Variants in DDX19B observed in about 807,000 individuals in gnomAD.
DDX19B encodes the protein DEAD-box helicase 19B.
DDX19B carries 27 observed loss-of-function variants against 58.1 expected under a neutral mutation model. The ratio of observed to expected loss-of-function variants is 0.46; its 90% CI spans 0.34 to 0.64. DDX19B has a LOEUF of 0.64. Among genes scored for constraint, DDX19B ranks in the 30% least tolerant of loss-of-function variants. The pLI is 0.01. For missense variants in DDX19B, 399 were observed against 596.5 expected (o/e 0.67, Z 3.45); for synonymous variants, 187 against 214.4 (o/e 0.87, Z 1.12).
rs571274638 is a variant in DDX19B, at chr16:70,326,906, C to T, written c.607+1218C>T. On this transcript the variant is annotated intron_variant, in intron 7 of 11. Transcript: ENST00000288071. ...CTGGAGAGCAGTGGCACAGTCTTGG[C>T]TCACTGCAAGCTCTGCCTCTGGGGT... Among the ~76,000 whole-genome samples the T allele has an allele frequency of 2.3e-4, 35 of 151,928 alleles. No homozygotes were observed. The South Asian group carries it at 7.1e-3, about 31-fold the overall frequency.
intron 5 of DDX19B, among the ~76,000 whole-genome samples, chr16:70,322,625 G>T (rs1962901998): frequency 6.7e-6 from 1 of 150,112 alleles, no homozygotes; most frequent in African/African-American, 2.4e-5. Flanking sequence ...CGGGCGTGGT[G>T]GCTCACGACT....
chr16:70,315,012 A>G, intron 3 of DDX19B, 57 bp downstream of exon 3: 1 of 1,569,922 alleles, frequency 6.4e-7, no homozygotes. Flanking sequence ...AAGAAAGTGG[A>G]TTGTTATGAG....
At chr16:70,318,532 C>T (rs1455364385) in intron 5 of DDX19B, among the ~76,000 whole-genome samples, 1 of 152,064 alleles carries the variant, frequency 6.6e-6, no homozygotes, top group Admixed American at 6.6e-5. Flanking sequence ...TGGCTCATGC[C>T]TATAATCCCA....
At position 70,317,561 on chromosome 16, in the gene DDX19B, A is replaced by G; in HGVS notation, c.362A>G (p.Asn121Ser). The change falls in exon 5 of 12, where the codon AAC becomes AGC. Residue 121 changes from asparagine (N) to serine (S), a missense_variant. Around this residue, in one of 4 missense-constraint regions of DDX19B, gnomAD observed 132 missense variants for 159.4 expected, o/e 0.83. Coordinates refer to ENST00000288071, the MANE Select transcript of DDX19B (RefSeq NM_007242.7). ...AATCGTCCATCCAAGATACAAGAGA[A>G]CGCATTGCCACTGATGCTTGCTGAG... ...GFNRPSKIQE[N>S]ALPLMLAEPP... 1 of 1,613,058 alleles carries G rather than the reference A, an allele frequency of 6.2e-7. No homozygotes were observed. Among genetic ancestry groups the G allele is most frequent in the East Asian group, 2.2e-5 (1 of 44,868 alleles).
chr16:70,303,744 A>G lies in DDX19B; in HGVS notation c.57+4390A>G, dbSNP rs571439781. The stretch of plus-strand genomic sequence containing the variant: ...GCTAATTTTTTTTTGTATTTTTAGT[A>G]GAGATGGGGTTTCACCATGTTAGCC... On this transcript the variant is annotated intron_variant, in intron 1 of 11. Coordinates refer to ENST00000288071, the MANE Select transcript of DDX19B (RefSeq NM_007242.7). Among the ~76,000 whole-genome samples, 56 of 151,776 alleles carry G rather than the reference A, an allele frequency of 3.7e-4. No individual in the cohort carries two copies. In the South Asian group the frequency reaches 0.011, roughly 31 times the overall value.
At chr16:70,291,758 C>CCGAG (rs202007484), upstream of DDX19B, among the ~76,000 whole-genome samples, 1,801 of 151,892 alleles carry the variant, frequency 0.012, 29 homozygotes, top group African/African-American at 0.041. Flanking sequence ...TAGCAGTGAG[C>CCGAG]CGAGATCAGG....
chr16:70,332,690 T>C (rs1246256254), intron 10 of DDX19B, among the ~76,000 whole-genome samples: 1 of 152,170 alleles, frequency 6.6e-6, no homozygotes, highest in Non-Finnish European at 1.5e-5. Flanking sequence ...TACTTCTCTC[T>C]GTCTCCAACT....
upstream of DDX19B, among the ~76,000 whole-genome samples, chr16:70,292,549 C>T (rs1239895746): frequency 6.6e-6 from 1 of 152,220 alleles, no homozygotes; most frequent in African/African-American, 2.4e-5. Context: ...ATATTTTTCT[C>T]TTGTAGATGT....
upstream of DDX19B, chr16:70,298,999 T>C: frequency 2.0e-6 from 1 of 498,224 alleles, no homozygotes. Flanking sequence ...TGTTCTTTGG[T>C]TGGAGATCCA....
intron 7 of DDX19B, among the ~76,000 whole-genome samples, chr16:70,328,703 AGTC>A: frequency 1.3e-5 from 2 of 152,004 alleles, no homozygotes; most frequent in Middle Eastern, 6.8e-3. Context: ...TGTTGACTGT[AGTC>A]ACCACATTGT....
intron 3 of DDX19B, among the ~76,000 whole-genome samples, chr16:70,315,386 CAAA>C (rs750665674): frequency 1.5e-4 from 8 of 54,598 alleles, no homozygotes; most frequent in Admixed American, 2.2e-4. Flanking sequence ...GACTCTGTCT[CAAA>C]AAAAAAAAAA....
intron 5 of DDX19B, among the ~76,000 whole-genome samples, chr16:70,318,935 T>C (rs1268684435): frequency 6.6e-6 from 1 of 150,556 alleles, no homozygotes; most frequent in African/African-American, 2.5e-5. Context: ...AAACCCCATC[T>C]CTACTAAAAA....
chr16:70,296,162 C>T (rs969642826), upstream of DDX19B, among the ~76,000 whole-genome samples: 1 of 151,994 alleles, frequency 6.6e-6, no homozygotes, highest in Non-Finnish European at 1.5e-5. Flanking sequence ...CACCACCATG[C>T]TCAGCTGATT....
At chr16:70,301,207 A>C (rs1026425668) in intron 1 of DDX19B, among the ~76,000 whole-genome samples, 1 of 152,134 alleles carries the variant, frequency 6.6e-6, no homozygotes. Context: ...ATTTTAGTGC[A>C]GCCATCTGTC....
At chr16:70,319,927 G>A (rs1023352014) in intron 5 of DDX19B, among the ~76,000 whole-genome samples, 1 of 152,072 alleles carries the variant, frequency 6.6e-6, no homozygotes, top group Non-Finnish European at 1.5e-5. Context: ...GATATTTTAG[G>A]TCTGTACTTT....
chr16:70,321,428 C>T (rs982926948), intron 5 of DDX19B, among the ~76,000 whole-genome samples: 15 of 152,164 alleles, frequency 9.9e-5, no homozygotes, highest in Admixed American at 3.3e-4. Context: ...CCAAGAAGCT[C>T]ATTTTTAGAT....
upstream of DDX19B, among the ~76,000 whole-genome samples, chr16:70,291,735 C>T (rs530268212): frequency 3.3e-5 from 5 of 152,026 alleles, no homozygotes; most frequent in South Asian, 4.1e-4. Context: ...GGCGTGAACC[C>T]GGGAGGCGGA....
At chr16:70,289,935 C>T (rs990461986), upstream of DDX19B, 5 of 347,624 alleles carry the variant, frequency 1.4e-5, no homozygotes, top group Non-Finnish European at 2.9e-5. Flanking sequence ...AAGAGTCTGA[C>T]ATTGTGCCCA....
chr16:70,303,322 A>G (rs1320078528), intron 1 of DDX19B, among the ~76,000 whole-genome samples: 1 of 151,884 alleles, frequency 6.6e-6, no homozygotes, highest in Non-Finnish European at 1.5e-5. Flanking sequence ...TAATGTATGT[A>G]TTTTTTGTAG....
Sources: gnomAD v4.1 joint callset for allele counts (sites outside exome capture counted in the v4.1 genomes callset) on GRCh38, gnomAD v4.1.1 for gene constraint, gnomAD v4.1.1 regional missense constraint, MANE v1.5 for transcripts, NCBI Gene and HGNC (gene_info 2026-07-23, HGNC 2026-07-21) for gene names.